The following DNM3 variants were observed in gnomAD, a reference collection of about 807,000 sequenced individuals.
DNM3 encodes the protein dynamin-3.
Under a neutral mutation model 101.6 loss-of-function variants are expected in DNM3, and 47 were observed. That is an observed-to-expected ratio of 0.46 (90% confidence interval 0.37 to 0.59). The LOEUF is 0.59. Ranked by LOEUF, DNM3 falls within the 20% of genes least tolerant of loss-of-function variation. The pLI, the probability that DNM3 is intolerant of heterozygous loss-of-function variation, is 0.00. For missense variants in DNM3, 849 were observed against 1,085.7 expected, an observed-to-expected ratio of 0.78 and a Z score of 3.06; for synonymous variants, 385 against 387.9, an observed-to-expected ratio of 0.99 and a Z score of 0.09.
intron 1 of DNM3, among the ~76,000 whole-genome samples, chr1:171,858,286 G>A (rs996444740): frequency 1.3e-5 from 2 of 152,086 alleles, no homozygotes; most frequent in African/African-American, 4.8e-5. Context: ...AGCTTGATAA[G>A]CTAGTGTCCT....
chr1:172,261,947 G>T (rs2148714734), intron 15 of DNM3, among the ~76,000 whole-genome samples: 1 of 152,304 alleles, frequency 6.6e-6, no homozygotes, highest in Non-Finnish European at 1.5e-5. Context: ...CGTGTCCCTG[G>T]ATGGTATGCT....
intron 14 of DNM3, among the ~76,000 whole-genome samples, chr1:172,173,279 G>A (rs2059030756): frequency 6.6e-6 from 1 of 151,584 alleles, no homozygotes; most frequent in South Asian, 2.1e-4. Flanking sequence ...AGAGAGAGAA[G>A]AGTCAGGGAT....
intron 14 of DNM3, among the ~76,000 whole-genome samples, chr1:172,134,961 G>A (rs544731837): frequency 6.8e-4 from 103 of 152,152 alleles, no homozygotes; most frequent in Non-Finnish European, 1.2e-3. Context: ...AAGCTGGAGA[G>A]TCACATGATA....
At chr1:171,936,414 A>G (rs576076670) in intron 2 of DNM3, among the ~76,000 whole-genome samples, 107 of 152,280 alleles carry the variant, frequency 7.0e-4, no homozygotes, top group African/African-American at 2.5e-3. Flanking sequence ...TCTCTGGGTC[A>G]AGGTTAAGGA....
intron 11 of DNM3, among the ~76,000 whole-genome samples, chr1:172,079,817 C>CT (rs1407270085): frequency 1.3e-4 from 19 of 152,000 alleles, no homozygotes; most frequent in Admixed American, 1.1e-3. Context: ...GTGTGGACAC[C>CT]TTTTTTTGAT....
chr1:171,944,381 A>G (rs12145667), intron 2 of DNM3, among the ~76,000 whole-genome samples: 2,477 of 140,758 alleles, frequency 0.018, 56 homozygotes, highest in African/African-American at 0.057. Flanking sequence ...TTATTTATTT[A>G]TTTGTTTATT....
chr1:172,399,627 C>T (rs1240873163), intron 20 of DNM3, among the ~76,000 whole-genome samples: 1 of 152,100 alleles, frequency 6.6e-6, no homozygotes, highest in Non-Finnish European at 1.5e-5. Context: ...CAATGCCTCT[C>T]TGTTTTTCTC....
intron 17 of DNM3, among the ~76,000 whole-genome samples, chr1:172,356,224 A>G (rs182314361): frequency 6.6e-6 from 1 of 152,286 alleles, no homozygotes; most frequent in Admixed American, 6.5e-5. Context: ...ATCCAGAAGG[A>G]ACATGGACAA....
At chr1:172,183,165 A>T (rs139040469) in intron 14 of DNM3, among the ~76,000 whole-genome samples, 1 of 152,196 alleles carries the variant, frequency 6.6e-6, no homozygotes, top group East Asian at 1.9e-4. Context: ...ATTAATACAG[A>T]TATGCACATA....
intron 1 of DNM3, among the ~76,000 whole-genome samples, chr1:171,906,036 G>A (rs1030384054): frequency 4.6e-5 from 7 of 151,992 alleles, no homozygotes; most frequent in African/African-American, 1.7e-4. Context: ...TCACATGCTT[G>A]TAATATTGTT....
At chr1:172,192,690 T>C (rs1201033964) in intron 14 of DNM3, among the ~76,000 whole-genome samples, 1 of 152,010 alleles carries the variant, frequency 6.6e-6, no homozygotes, top group African/African-American at 2.4e-5. Context: ...TCCATGTTCC[T>C]ACAAAGGACA....
At chr1:171,888,539 A>G (rs550545827) in intron 1 of DNM3, among the ~76,000 whole-genome samples, 2 of 152,320 alleles carry the variant, frequency 1.3e-5, no homozygotes, top group Non-Finnish European at 2.9e-5. Flanking sequence ...CGAGTAAATA[A>G]TTTAACTGTT....
intron 14 of DNM3, among the ~76,000 whole-genome samples, chr1:172,236,033 A>G (rs915512985): frequency 6.6e-6 from 1 of 152,194 alleles, no homozygotes; most frequent in African/African-American, 2.4e-5. Flanking sequence ...TATTGGGGCC[A>G]TACAGGCGTA....
chr1:171,936,058 C>T (rs2041395365), intron 2 of DNM3, among the ~76,000 whole-genome samples: 1 of 151,492 alleles, frequency 6.6e-6, no homozygotes, highest in South Asian at 2.1e-4. Context: ...TCACTCTTTG[C>T]ATTAAAAGTT....
chr1:172,041,890 A>G, intron 7 of DNM3, 119 bp from the exon 8 acceptor site: 3 of 1,057,592 alleles, frequency 2.8e-6, no homozygotes, highest in Non-Finnish European at 4.0e-6. Flanking sequence ...TAACTCTGCC[A>G]GTAGGTGCCA....
At chr1:172,141,755 G>A (rs1239778319) in intron 14 of DNM3, among the ~76,000 whole-genome samples, 8 of 152,124 alleles carry the variant, frequency 5.3e-5, no homozygotes, top group Admixed American at 3.9e-4. Flanking sequence ...CCGAAAGCCC[G>A]AATGCCAAGC....
chr1:172,138,757 T>C, intron 14 of DNM3: 4 of 355,470 alleles, frequency 1.1e-5, no homozygotes, highest in South Asian at 2.3e-5. Flanking sequence ...GTAGATGCTA[T>C]GGTGTGAGGG....
At chr1:171,961,004 A>G (rs188055066) in intron 2 of DNM3, among the ~76,000 whole-genome samples, 30 of 152,288 alleles carry the variant, frequency 2.0e-4, no homozygotes, top group Admixed American at 1.8e-3. Context: ...GGCTGACCAG[A>G]GACTACCTAT....
chr1:171,910,575 A>G (rs1350224651), intron 1 of DNM3, among the ~76,000 whole-genome samples: 1 of 152,188 alleles, frequency 6.6e-6, no homozygotes, highest in Non-Finnish European at 1.5e-5. Context: ...CTACATGCTT[A>G]CCTGTGGCTA....
Sources: gnomAD v4.1 joint callset for allele counts (sites outside exome capture counted in the v4.1 genomes callset) on GRCh38, gnomAD v4.1.1 for gene constraint, MANE v1.5 for transcripts, NCBI Gene and HGNC (gene_info 2026-07-23, HGNC 2026-07-21) for gene names.